Variants in PTPRT observed in about 807,000 individuals in gnomAD.
PTPRT encodes the protein protein tyrosine phosphatase receptor type T, also known as receptor-type tyrosine-protein phosphatase T.
PTPRT carries 56 observed loss-of-function variants against 176.8 expected under a neutral mutation model. The ratio of observed to expected loss-of-function variants is 0.32; its 90% CI spans 0.26 to 0.40. The LOEUF is 0.40. Among genes scored for constraint, PTPRT ranks in the 10% least tolerant of loss-of-function variants. PTPRT has a pLI of 1.00. For synonymous variants in PTPRT, 783 were observed against 739.0 expected, an observed-to-expected ratio of 1.06 and a Z score of -0.96; for missense variants, 1,540 against 1,908.2, an observed-to-expected ratio of 0.81 and a Z score of 3.60.
At chr20:43,046,368 A>C (rs1986838881) in intron 1 of PTPRT, among the ~76,000 whole-genome samples, 1 of 151,924 alleles carries the variant, frequency 6.6e-6, no homozygotes, top group African/African-American at 2.4e-5. Context: ...TCAGATCGAG[A>C]CCATCCTGGC....
chr20:43,091,852 G>A (rs995489497), intron 1 of PTPRT, among the ~76,000 whole-genome samples: 3 of 152,156 alleles, frequency 2.0e-5, no homozygotes, highest in African/African-American at 7.2e-5. Context: ...CGGTGAAGAA[G>A]ACATCCGCTT....
chr20:42,248,620 T>C, intron 14 of PTPRT, 67 bp downstream of exon 14: 1 of 1,571,978 alleles, frequency 6.4e-7, no homozygotes, highest in Admixed American at 1.7e-5. Flanking sequence ...AGCAAAAACC[T>C]GGCCACACAG....
chr20:43,000,711 T>C (rs1366338857), intron 1 of PTPRT, among the ~76,000 whole-genome samples: 1 of 151,430 alleles, frequency 6.6e-6, no homozygotes, highest in Admixed American at 6.6e-5. Flanking sequence ...GGAGACAATA[T>C]TGGATGCAAA....
chr20:42,736,825 G>C (rs1053932669), intron 6 of PTPRT, among the ~76,000 whole-genome samples: 4 of 152,010 alleles, frequency 2.6e-5, no homozygotes, highest in Non-Finnish European at 4.4e-5. Context: ...GAGATGGAAG[G>C]AGGGAAGGAA....
chr20:42,775,321 A>C lies in PTPRT; in HGVS notation c.569-3771T>G, dbSNP rs565688954. On this transcript the variant is annotated intron_variant, in intron 4 of 30. Transcript: ENST00000373187. ...TCAGTAGGAAGCCACACAATTGTGGAGAAAGCCCAGTACGCACATTAGAAA... is the reference window on the plus strand; with the variant it reads ...TCAGTAGGAAGCCACACAATTGTGGCGAAAGCCCAGTACGCACATTAGAAA... Among the ~76,000 whole-genome samples the C allele has an allele frequency of 1.4e-3, 208 of 152,352 alleles. 1 individual carries two copies. Among genetic ancestry groups the C allele is most frequent in the African/African-American group, 4.6e-3 (193 of 41,578 alleles).
intron 15 of PTPRT, among the ~76,000 whole-genome samples, chr20:42,214,986 C>T (rs117602254): frequency 0.022 from 3,300 of 152,348 alleles, 54 homozygotes; most frequent in Non-Finnish European, 0.035. Flanking sequence ...AATGAATTCT[C>T]TTAGCAATGC....
rs542788459 is a variant in PTPRT, at chr20:43,058,693, A to G, written c.88+130953T>C. Among the ~76,000 whole-genome samples, 5 of 152,364 alleles carry G rather than the reference A, an allele frequency of 3.3e-5. No individual in the cohort carries two copies. The East Asian group carries it at 5.8e-4, about 18-fold the overall frequency. On this transcript the variant is annotated intron_variant, in intron 1 of 30. Coordinates refer to ENST00000373187, the MANE Select transcript of PTPRT (RefSeq NM_007050.6). ...ATAACCAAGGGAAATTGTGCTCCAC[A>G]TCTCTCCATGCTCCAATTATCAGAC...
At position 42,263,371 on chromosome 20, in the gene PTPRT, C is replaced by CTTTTTTT. The variant is rs11477690; in HGVS notation, c.2177-14556_2177-14550dup. Among the ~76,000 whole-genome samples the CTTTTTTT allele has an allele frequency of 1.8e-4, 9 of 50,974 alleles. 3 individuals carry two copies. The highest frequency in any genetic ancestry group is 8.6e-4 in the African/African-American group (8 of 9,260). The allele number at this position is 50,974 out of a possible 152,430, so 33.4% of individuals were successfully genotyped here. ...CACAGGCATGCGCTGCCATGCCTGG[C>CTTTTTTT]TTTTTTTTTTTTTTTTTTTTTTTTT... On this transcript the variant is annotated intron_variant, in intron 13 of 30. Coordinates refer to ENST00000373187, the MANE Select transcript of PTPRT (RefSeq NM_007050.6).
intron 1 of PTPRT, among the ~76,000 whole-genome samples, chr20:43,147,479 T>C (rs2014205292): frequency 6.6e-6 from 1 of 152,164 alleles, no homozygotes; most frequent in Non-Finnish European, 1.5e-5. Context: ...GACTTCTCAA[T>C]AGCAGAGATG....
intron 1 of PTPRT, among the ~76,000 whole-genome samples, chr20:43,071,088 G>A (rs1239659923): frequency 1.3e-5 from 2 of 152,076 alleles, no homozygotes. Flanking sequence ...GCAAGGCAAG[G>A]AGGGACCAAA....
intron 7 of PTPRT, among the ~76,000 whole-genome samples, chr20:42,605,395 A>G (rs1044629478): frequency 1.7e-4 from 26 of 152,160 alleles, no homozygotes; most frequent in Admixed American, 1.7e-3. Flanking sequence ...TCCCTGAGTG[A>G]GAAAAGCTGC....
At position 42,078,499 on chromosome 20, in the gene PTPRT, G is replaced by C. The variant is rs1348220524; in HGVS notation, c.*2380C>G. 1 of 204,414 alleles carries C rather than the reference G, an allele frequency of 4.9e-6. No individual in the cohort carries two copies. The highest frequency in any genetic ancestry group is 6.0e-5 in the Admixed American group (1 of 16,678). 12.7% of individuals were successfully genotyped at this position (204,414 alleles called of 1,614,324 possible). On this transcript the variant is annotated 3_prime_UTR_variant, in exon 31 of 31. Coordinates refer to ENST00000373187, the MANE Select transcript of PTPRT (RefSeq NM_007050.6). Reference sequence around the variant, plus strand: ...ATAGATGTGATATTAAAAAGTGCACGCTTAAGGGAATGTTTTCACAGTGTC... The same window carrying C: ...ATAGATGTGATATTAAAAAGTGCACCCTTAAGGGAATGTTTTCACAGTGTC...
intron 17 of PTPRT, among the ~76,000 whole-genome samples, chr20:42,156,749 T>C (rs777660091): frequency 2.6e-5 from 4 of 152,222 alleles, no homozygotes; most frequent in African/African-American, 9.6e-5. Flanking sequence ...GGAAATGCTG[T>C]TGGCTCCATC....
intron 2 of PTPRT, among the ~76,000 whole-genome samples, chr20:42,794,369 C>A (rs1334055011): frequency 6.6e-6 from 1 of 152,218 alleles, no homozygotes; most frequent in African/African-American, 2.4e-5. Flanking sequence ...GGACCAGCCA[C>A]CCCAGCATCA....
At chr20:42,831,408 C>T (rs1295625196) in intron 2 of PTPRT, among the ~76,000 whole-genome samples, 1 of 152,068 alleles carries the variant, frequency 6.6e-6, no homozygotes, top group Admixed American at 6.6e-5. Context: ...AATGTAAAGC[C>T]CCAAACTATA....
intron 1 of PTPRT, among the ~76,000 whole-genome samples, chr20:42,910,381 TG>T (rs1415944130): frequency 1.3e-5 from 2 of 152,212 alleles, no homozygotes; most frequent in Non-Finnish European, 2.9e-5. Flanking sequence ...ACCAGCTCAG[TG>T]GTAGAATCAA....
chr20:42,743,562 A>G (rs1011296792), intron 6 of PTPRT, among the ~76,000 whole-genome samples: 2 of 152,244 alleles, frequency 1.3e-5, no homozygotes, highest in African/African-American at 4.8e-5. Context: ...GCCTTAGAAT[A>G]CAACCCATTA....
intron 7 of PTPRT, among the ~76,000 whole-genome samples, chr20:42,558,395 T>C (rs575768211): frequency 6.6e-6 from 1 of 152,186 alleles, no homozygotes; most frequent in Non-Finnish European, 1.5e-5. Context: ...GTTGATTCCA[T>C]GTTTTTGCTA....
intron 1 of PTPRT, among the ~76,000 whole-genome samples, chr20:43,161,432 G>A (rs2146441537): frequency 6.6e-6 from 1 of 152,264 alleles, no homozygotes; most frequent in Non-Finnish European, 1.5e-5. Context: ...GATCCAATGA[G>A]AATGTAAATA....
Sources: gnomAD v4.1 joint callset for allele counts (sites outside exome capture counted in the v4.1 genomes callset) on GRCh38, gnomAD v4.1.1 for gene constraint, MANE v1.5 for transcripts, NCBI Gene and HGNC (gene_info 2026-07-23, HGNC 2026-07-21) for gene names.